Variants in GALNT18 observed in about 807,000 individuals in gnomAD.
The protein encoded by GALNT18 is polypeptide N-acetylgalactosaminyltransferase 18.
GALNT18 carries 44 observed loss-of-function variants against 69.5 expected under a neutral mutation model. The ratio of observed to expected loss-of-function variants is 0.63; its 90% CI spans 0.50 to 0.81. The LOEUF is 0.81. Ranked by LOEUF, GALNT18 falls within the 40% of genes least tolerant of loss-of-function variation. GALNT18 has a pLI of 0.00. For missense variants in GALNT18, 715 were observed against 810.0 expected (o/e 0.88, Z 1.42); for synonymous variants, 364 against 318.2 (o/e 1.14, Z -1.53).
At chr11:11,390,375 G>A (rs1854158412) in intron 3 of GALNT18, among the ~76,000 whole-genome samples, 1 of 152,158 alleles carries the variant, frequency 6.6e-6, no homozygotes, top group Non-Finnish European at 1.5e-5. Context: ...CTCTAGAAGG[G>A]GATGGGTTTT....
chr11:11,536,663 A>T (rs1857780214), intron 1 of GALNT18, among the ~76,000 whole-genome samples: 1 of 152,096 alleles, frequency 6.6e-6, no homozygotes, highest in African/African-American at 2.4e-5. Flanking sequence ...AAAAAAAAAA[A>T]ACCTCCTGGT....
At chr11:11,566,685 A>G (rs1232798840) in intron 1 of GALNT18, among the ~76,000 whole-genome samples, 1 of 152,252 alleles carries the variant, frequency 6.6e-6, no homozygotes, top group East Asian at 1.9e-4. Flanking sequence ...GGATATACAG[A>G]TGTTCCTTGC....
intron 6 of GALNT18, among the ~76,000 whole-genome samples, chr11:11,359,779 C>T (rs545415784): frequency 1.7e-4 from 26 of 152,210 alleles, no homozygotes; most frequent in African/African-American, 6.0e-4. Context: ...TTTTAAACCC[C>T]GAAGGTAGAG....
chr11:11,506,578 A>G (rs1018584254), intron 1 of GALNT18, among the ~76,000 whole-genome samples: 9 of 152,228 alleles, frequency 5.9e-5, no homozygotes, highest in African/African-American at 1.9e-4. Context: ...CTGGCCATGC[A>G]TCAACCAGAA....
chr11:11,458,677 T>G (rs1448305298), intron 1 of GALNT18, among the ~76,000 whole-genome samples: 1 of 152,228 alleles, frequency 6.6e-6, no homozygotes, highest in East Asian at 1.9e-4. Flanking sequence ...CACACCACCA[T>G]GCAGAGGGAT....
At position 11,338,732 on chromosome 11, in the gene GALNT18, T is replaced by G. The variant is rs968200342; in HGVS notation, c.1278+2087A>C. Among the ~76,000 whole-genome samples the G allele has an allele frequency of 1.3e-5, 2 of 152,066 alleles. No homozygotes were observed. The highest frequency in any genetic ancestry group is 2.9e-5 in the Non-Finnish European group (2 of 68,002). On this transcript the variant is annotated intron_variant, in intron 7 of 10. Coordinates refer to ENST00000227756, the MANE Select transcript of GALNT18 (RefSeq NM_198516.3). This position sits in a 1 kb window ranked among gnomAD's most constrained non-coding sequence, Gnocchi z 5.3. ...AGATATTAATTAGGAAGGCAGCATA[T>G]GGGTGGGAGTCCAATGCAAGAGTAG... is the stretch of plus-strand genomic sequence containing the variant.
At position 11,511,383 on chromosome 11, in the gene GALNT18, C is replaced by T. The variant is rs542798172; in HGVS notation, c.236-62447G>A. ...CTACAGCTCAAGGTTGCTGTGTCCC[C>T]GCAGCCAAGGCTGAAGCATGACCTA... On this transcript the variant is annotated intron_variant, in intron 1 of 10. Transcript: ENST00000227756. The surrounding 1 kb of genome is among the most constrained non-coding windows in gnomAD (Gnocchi z 4.9). Among the ~76,000 whole-genome samples, 12 of 152,274 alleles carry T rather than the reference C, an allele frequency of 7.9e-5. No individual in the cohort carries two copies. Among genetic ancestry groups the T allele is most frequent in the Admixed American group, 3.3e-4 (5 of 15,294 alleles).
intron 9 of GALNT18, among the ~76,000 whole-genome samples, chr11:11,325,146 A>T (rs528414958): frequency 8.5e-5 from 13 of 152,380 alleles, no homozygotes; most frequent in Middle Eastern, 6.8e-3. Context: ...AAAATGTGGT[A>T]TATATTCATC....
intron 1 of GALNT18, among the ~76,000 whole-genome samples, chr11:11,575,234 C>T (rs1195103236): frequency 2.0e-5 from 3 of 152,156 alleles, no homozygotes; most frequent in African/African-American, 2.4e-5. Flanking sequence ...GGAGGAGGAC[C>T]AAGGCACCTT....
chr11:11,342,316 G>A (rs1469944693), intron 6 of GALNT18, among the ~76,000 whole-genome samples: 2 of 152,238 alleles, frequency 1.3e-5, no homozygotes, highest in African/African-American at 4.8e-5. Flanking sequence ...GCTGATGAAT[G>A]TGGCTTCTGA....
chr11:11,549,637 G>A (rs1858144902), intron 1 of GALNT18, among the ~76,000 whole-genome samples: 1 of 152,154 alleles, frequency 6.6e-6, no homozygotes, highest in Non-Finnish European at 1.5e-5. Context: ...AGCTTTTCTG[G>A]CCTACAGCTC....
chr11:11,542,924 T>A lies in GALNT18; in HGVS notation c.235+78435A>T, dbSNP rs1194261128. On this transcript the variant is annotated intron_variant, in intron 1 of 10. Transcript: ENST00000227756. This position sits in a 1 kb window ranked among gnomAD's most constrained non-coding sequence, Gnocchi z 4.3. ...TGGTCAGTAACTAAGTTTCAGTGGT[T>A]GAGAAGGATCCATTAGTTCGTGGGT... Among the ~76,000 whole-genome samples the A allele has an allele frequency of 6.6e-6, 1 of 152,238 alleles. No individual in the cohort carries two copies. Among genetic ancestry groups the A allele is most frequent in the African/African-American group, 2.4e-5 (1 of 41,450 alleles).
chr11:11,445,641 C>A (rs143535317), intron 2 of GALNT18, among the ~76,000 whole-genome samples: 1 of 152,312 alleles, frequency 6.6e-6, no homozygotes, highest in African/African-American at 2.4e-5. Flanking sequence ...TAGAGCTAGA[C>A]GGAGCCTTCC....
intron 9 of GALNT18, among the ~76,000 whole-genome samples, chr11:11,305,348 T>G (rs889685064): frequency 1.3e-5 from 2 of 152,082 alleles, no homozygotes; most frequent in Non-Finnish European, 2.9e-5. Context: ...GATTTTGAGG[T>G]CATACATTAC....
At chr11:11,281,006 C>T (rs1416772379) in intron 10 of GALNT18, among the ~76,000 whole-genome samples, 2 of 152,204 alleles carry the variant, frequency 1.3e-5, no homozygotes, top group Admixed American at 1.3e-4. Context: ...TATCTGCTGC[C>T]CACACCCAGG....
chr11:11,319,181 T>C (rs558875306), intron 9 of GALNT18, among the ~76,000 whole-genome samples: 4 of 151,890 alleles, frequency 2.6e-5, no homozygotes, highest in African/African-American at 9.7e-5. Context: ...GTCAGCAAGA[T>C]GAACGGGGCC....
intron 1 of GALNT18, among the ~76,000 whole-genome samples, chr11:11,453,872 G>A (rs913449693): frequency 1.3e-4 from 20 of 152,104 alleles, no homozygotes; most frequent in African/African-American, 4.3e-4. Flanking sequence ...TCTCACTTAC[G>A]TCTTTCTTAG....
chr11:11,382,927 A>G lies in GALNT18; in HGVS notation c.596-3663T>C, dbSNP rs1010012445. On this transcript the variant is annotated intron_variant, in intron 3 of 10. Transcript: ENST00000227756. The surrounding 1 kb of genome is among the most constrained non-coding windows in gnomAD (Gnocchi z 4.3). ...TGCTTGCTGTGACTCTGCCAGATCT[A>G]GAGTCAATGTGCAGCTGTCGATAGC... Among the ~76,000 whole-genome samples the G allele has an allele frequency of 4.6e-5, 7 of 152,196 alleles. No individual in the cohort carries two copies. The highest frequency in any genetic ancestry group is 2.1e-4 in the South Asian group (1 of 4,830).
chr11:11,620,291 G>A lies in GALNT18; in HGVS notation c.235+1068C>T, dbSNP rs545978777. ...ACACCTGGAAGAAAGCAGGGGGCGC[G>A]GGGAGGGGAGGAAGTGTGGACGTGA... is the stretch of plus-strand genomic sequence containing the variant. On this transcript the variant is annotated intron_variant, in intron 1 of 10. Coordinates refer to ENST00000227756, the MANE Select transcript of GALNT18 (RefSeq NM_198516.3). This position sits in a 1 kb window ranked among gnomAD's most constrained non-coding sequence, Gnocchi z 6.9. Among the ~76,000 whole-genome samples, 38 of 147,728 alleles carry A rather than the reference G, an allele frequency of 2.6e-4. 1 individual carries two copies. In the South Asian group the frequency reaches 6.5e-3, roughly 25 times the overall value.
Sources: gnomAD v4.1 joint callset for allele counts (sites outside exome capture counted in the v4.1 genomes callset) on GRCh38, gnomAD v4.1.1 for gene constraint, Gnocchi (gnomAD v3.1) non-coding constraint, MANE v1.5 for transcripts, NCBI Gene and HGNC (gene_info 2026-07-23, HGNC 2026-07-21) for gene names.